The following HEATR4 variants were observed in gnomAD, a reference collection of about 807,000 sequenced individuals.
HEATR4 encodes HEAT repeat-containing protein 4.
HEATR4 carries 95 observed loss-of-function variants against 108.8 expected under a neutral mutation model. The observed-to-expected ratio is 0.87, with a 90% CI of 0.74 to 1.04. The LOEUF is 1.04. Ranked by LOEUF, HEATR4 falls within the 50% of genes least tolerant of loss-of-function variation. The pLI is 0.00. For missense variants in HEATR4, 1,152 were observed against 1,253.8 expected (o/e 0.92, Z 1.23); for synonymous variants, 443 against 459.4 (o/e 0.96, Z 0.46).
rs1888409123 is a variant in HEATR4, at chr14:73,527,515, TCTTTA to T, written c.-73+2646_-73+2650del. 2.0e-5 allele frequency: 3 copies of T among 150,402 alleles called. 1 individual carries two copies. The Admixed American group carries it at 2.0e-4, about 10-fold the overall frequency. 9.3% of individuals were successfully genotyped at this position (150,402 alleles called of 1,614,324 possible). A position where few individuals can be genotyped will look rare whatever the true frequency, so the allele number is the denominator to read the frequency against. On this transcript the variant is annotated intron_variant, in intron 2 of 17. Coordinates refer to ENST00000553558, the MANE Select transcript of HEATR4 (RefSeq NM_001220484.1). The stretch of plus-strand genomic sequence containing the variant: ...CCTATGGAGTAGCCATTCTTTTGTT[TCTTTA>T]CTTCTCTAATAAACTTGCTTTCACT...
chr14:73,482,861 T>C (rs1885308868), intron 17 of HEATR4, among the ~76,000 whole-genome samples: 1 of 152,214 alleles, frequency 6.6e-6, no homozygotes, highest in Non-Finnish European at 1.5e-5. Context: ...GGTTTCACCA[T>C]GTTGGCCAGG....
At chr14:73,509,634 G>A (rs548252361) in intron 7 of HEATR4, among the ~76,000 whole-genome samples, 161 bp from the exon 8 acceptor site, 1 of 151,304 alleles carries the variant, frequency 6.6e-6, no homozygotes, top group African/African-American at 2.4e-5. Flanking sequence ...AGATGGGCAG[G>A]ATTTTCTGCT....
At chr14:73,575,670 G>C in the HEATR4 span, 2 of 929,512 alleles carry the variant, frequency 2.2e-6, no homozygotes, top group Admixed American at 5.1e-5. Context: ...GAGTTTTTAA[G>C]ATTTTTATAA....
intron 1 of HEATR4, among the ~76,000 whole-genome samples, chr14:73,549,250 G>A (rs1177530485): frequency 8.9e-6 from 1 of 112,860 alleles, no homozygotes; most frequent in Non-Finnish European, 1.9e-5. Context: ...CTTCCCAAAT[G>A]CCTCGTGATG....
chr14:73,605,142 A>G, the HEATR4 span, among the ~76,000 whole-genome samples: 1 of 145,498 alleles, frequency 6.9e-6, no homozygotes, highest in Non-Finnish European at 1.5e-5. Flanking sequence ...ATCCAAGAAG[A>G]AAAAAAAACA....
chr14:73,494,940 T>C (rs1287992038), intron 16 of HEATR4, among the ~76,000 whole-genome samples: 1 of 152,188 alleles, frequency 6.6e-6, no homozygotes, highest in African/African-American at 2.4e-5. Context: ...AGTATTGTTT[T>C]ATAAAGACTT....
upstream of HEATR4, among the ~76,000 whole-genome samples, chr14:73,563,548 T>C (rs1428521191): frequency 1.3e-5 from 2 of 152,008 alleles, no homozygotes; most frequent in African/African-American, 2.4e-5. Context: ...TGAGCTGAGA[T>C]CGCGCCACTG....
chr14:73,619,190 T>A, the HEATR4 span: 31 of 1,519,548 alleles, frequency 2.0e-5, no homozygotes, highest in Non-Finnish European at 2.5e-5. Flanking sequence ...GTGTCCTCCA[T>A]TTATGAATTC....
intron 17 of HEATR4, among the ~76,000 whole-genome samples, chr14:73,484,283 A>C (rs933477160): frequency 6.6e-6 from 1 of 152,102 alleles, no homozygotes; most frequent in African/African-American, 2.4e-5. Context: ...TACGACGTAT[A>C]GCAAGACTCA....
At chr14:73,505,850 C>T (rs1345840559) in intron 10 of HEATR4, among the ~76,000 whole-genome samples, 4 of 147,818 alleles carry the variant, frequency 2.7e-5, no homozygotes, top group Admixed American at 2.7e-4. Context: ...CTGATAAAGT[C>T]TGTTGATATT....
chr14:73,562,209 G>A (rs568349973), upstream of HEATR4, among the ~76,000 whole-genome samples: 15 of 152,154 alleles, frequency 9.9e-5, no homozygotes, highest in Admixed American at 8.5e-4. Flanking sequence ...CAAGGACCCC[G>A]AATGGAGGGA....
the HEATR4 span, among the ~76,000 whole-genome samples, chr14:73,577,138 C>G: frequency 1.3e-5 from 2 of 151,748 alleles, no homozygotes; most frequent in African/African-American, 4.8e-5. Context: ...CCCAGTGTTG[C>G]CCAGACTAGC....
rs150771532 is a variant in HEATR4 at position 73,534,170 on chromosome 14, G to A, written c.-151-3926C>T. 5.1e-3 allele frequency among the ~76,000 whole-genome samples: 574 copies of A among 112,804 alleles called. 121 individuals are homozygous for A. Among genetic ancestry groups the A allele is most frequent in the African/African-American group, 0.016 (555 of 34,620 alleles). 74.0% of individuals were successfully genotyped at this position (112,804 alleles called of 152,430 possible). A position where few individuals can be genotyped will look rare whatever the true frequency, so the allele number is the denominator to read the frequency against. ...CTGAAGCAGGCAGATTACAAGGTCAGGAGTTTGAGACCAGCCTGGCCAACA... is the reference window on the plus strand; with the variant it reads ...CTGAAGCAGGCAGATTACAAGGTCAAGAGTTTGAGACCAGCCTGGCCAACA... On this transcript the variant is annotated intron_variant, in intron 1 of 17. Transcript: ENST00000553558.
At chr14:73,501,013 T>C (rs1478675344) in intron 11 of HEATR4, among the ~76,000 whole-genome samples, 2 of 152,246 alleles carry the variant, frequency 1.3e-5, no homozygotes, top group Non-Finnish European at 1.5e-5. Context: ...CACAGTCAAG[T>C]TCTCTTCTCC....
the HEATR4 span, among the ~76,000 whole-genome samples, chr14:73,588,144 G>T: frequency 6.6e-6 from 1 of 151,972 alleles, no homozygotes; most frequent in East Asian, 1.9e-4. Flanking sequence ...TGGGATTACA[G>T]GGCCGTACCA....
intron 17 of HEATR4, chr14:73,490,964 C>T (rs942243666): frequency 3.9e-6 from 5 of 1,296,102 alleles, no homozygotes; most frequent in Middle Eastern, 2.9e-4. Context: ...ATTCAGGAAC[C>T]GCTTTAGCTT....
At chr14:73,569,070 AG>A in the HEATR4 span, 1 of 826,664 alleles carries the variant, frequency 1.2e-6, no homozygotes, top group South Asian at 1.8e-5. Flanking sequence ...AAGCAAACCT[AG>A]GAAGTAGCTT....
chr14:73,569,226 C>G, the HEATR4 span: 4 of 1,612,066 alleles, frequency 2.5e-6, no homozygotes, highest in South Asian at 3.3e-5. Context: ...TAGCCTGCGA[C>G]GGCAGCCCGA....
At chr14:73,498,387 A>T in intron 13 of HEATR4, 43 bp from the exon 14 acceptor site, 1 of 1,500,974 alleles carries the variant, frequency 6.7e-7, no homozygotes, top group Non-Finnish European at 9.0e-7. Flanking sequence ...GACTGAGCTT[A>T]CTATATTCTA....
Sources: allele counts gnomAD v4.1 joint callset (sites outside exome capture counted in the v4.1 genomes callset), GRCh38; gene constraint gnomAD v4.1.1; transcripts MANE v1.5; gene names NCBI Gene and HGNC (gene_info 2026-07-23, HGNC 2026-07-21).